Variants in CREBRF observed in about 807,000 individuals in gnomAD.
CREBRF encodes the protein UPF0474 protein C5orf41.
Under a neutral mutation model 66.1 loss-of-function variants are expected in CREBRF, and 5 were observed. That is an observed-to-expected ratio of 0.08 (90% CI 0.04 to 0.16). The LOEUF is 0.16. CREBRF is among the 10% of genes least tolerant of loss of function. CREBRF has a pLI of 1.00. For missense variants in CREBRF, 531 were observed against 744.9 expected, an observed-to-expected ratio of 0.71 and a Z score of 3.34; for synonymous variants, 229 against 264.4, an observed-to-expected ratio of 0.87 and a Z score of 1.30.
chr5:173,096,277 A>T (rs761100983), intron 4 of CREBRF, among the ~76,000 whole-genome samples: 3 of 152,136 alleles, frequency 2.0e-5, no homozygotes, highest in African/African-American at 4.8e-5. Flanking sequence ...CCTATGGTGA[A>T]GTCTTTAGGG....
intron 8 of CREBRF, 59 bp from the exon 9 acceptor site, chr5:173,133,571 C>A: frequency 1.1e-6 from 1 of 937,270 alleles, no homozygotes; most frequent in Non-Finnish European, 1.7e-6. Context: ...CAGCTCCTTC[C>A]CTTCCCTTCA....
intron 1 of CREBRF, among the ~76,000 whole-genome samples, chr5:173,071,928 G>C (rs1757610711): frequency 6.6e-6 from 1 of 151,772 alleles, no homozygotes. Context: ...GGTGGCATGT[G>C]CCTGTATTCC....
In CREBRF at chr5:173,137,178, A is replaced by G. The variant is rs1759605333; in HGVS notation, c.*3433A>G. On this transcript the variant is annotated 3_prime_UTR_variant, in exon 9 of 9. Transcript: ENST00000296953. ...TTTCCTATATCCTTCATGACAGATT[A>G]TGATGTGGCTTTATATTGTGCCTTA... The G allele has an allele frequency of 6.6e-6, 1 of 152,058 alleles. No individual in the cohort carries two copies. Among genetic ancestry groups the G allele is most frequent in the Non-Finnish European group, 1.5e-5 (1 of 67,926 alleles). The allele number at this position is 152,058 out of a possible 1,614,324, so 9.4% of individuals were successfully genotyped here.
At chr5:173,089,760 T>C (rs1004458516) in intron 3 of CREBRF, among the ~76,000 whole-genome samples, 8 of 152,200 alleles carry the variant, frequency 5.3e-5, no homozygotes, top group African/African-American at 1.9e-4. Flanking sequence ...CAAAAGATCT[T>C]ACCATTCTGT....
chr5:173,133,529 G>C, intron 8 of CREBRF, 101 bp from the exon 9 acceptor site: 1 of 592,758 alleles, frequency 1.7e-6, no homozygotes, highest in East Asian at 3.0e-5. Flanking sequence ...CCAGTATCAA[G>C]CTGAGGGCCA....
At chr5:173,078,119 C>T (rs79287557) in intron 1 of CREBRF, among the ~76,000 whole-genome samples, 19,982 of 152,166 alleles carry the variant, frequency 0.13, 2,221 homozygotes, top group African/African-American at 0.29. Context: ...AATTGGATTT[C>T]GCTTTTTGAA....
rs184344738 is a variant in CREBRF at position 173,129,865 on chromosome 5, C to T, written c.1805-3765C>T. 3.3e-5 allele frequency among the ~76,000 whole-genome samples: 5 copies of T among 152,076 alleles called. 1 individual carries two copies. Among genetic ancestry groups the T allele is most frequent in the Admixed American group, 3.3e-4 (5 of 15,282 alleles). ...TTTTTGAGACAGAGTCTCGCTCTGT[C>T]GCCCAGACTGGAGTGTAATGGAGTG... is the stretch of plus-strand genomic sequence containing the variant. On this transcript the variant is annotated intron_variant, in intron 8 of 8. Transcript: ENST00000296953.
chr5:173,087,645 A>G (rs1232990304), intron 3 of CREBRF, among the ~76,000 whole-genome samples: 1 of 150,642 alleles, frequency 6.6e-6, no homozygotes, highest in Non-Finnish European at 1.5e-5. Flanking sequence ...GTGGTGAGCC[A>G]AGATCGCCCC....
intron 4 of CREBRF, among the ~76,000 whole-genome samples, chr5:173,105,539 C>T (rs567964735): frequency 2.0e-5 from 3 of 151,970 alleles, no homozygotes; most frequent in South Asian, 2.1e-4. Flanking sequence ...GGTATGATCT[C>T]GTCTCACTGC....
chr5:173,120,718 G>A (rs1381220622), intron 7 of CREBRF, among the ~76,000 whole-genome samples: 2 of 93,946 alleles, frequency 2.1e-5, no homozygotes, highest in Non-Finnish European at 3.9e-5. Flanking sequence ...TTTTTGAGAT[G>A]GAGTCTTGCT....
chr5:173,107,466 T>G (rs1312164907), intron 4 of CREBRF, among the ~76,000 whole-genome samples: 3 of 152,214 alleles, frequency 2.0e-5, no homozygotes, highest in Non-Finnish European at 4.4e-5. Context: ...TTTCTGAAAC[T>G]TCCTATTAGG....
intron 1 of CREBRF, among the ~76,000 whole-genome samples, chr5:173,067,249 C>T (rs986006420): frequency 1.3e-5 from 2 of 152,156 alleles, no homozygotes; most frequent in East Asian, 3.9e-4. Flanking sequence ...TATTCATGTA[C>T]AAGTCTTTTA....
chr5:173,100,603 T>C (rs761913615), intron 4 of CREBRF, among the ~76,000 whole-genome samples: 6 of 152,048 alleles, frequency 3.9e-5, no homozygotes, highest in Non-Finnish European at 8.8e-5. Context: ...TTTGTATTTT[T>C]AGTAAAGACA....
At chr5:173,130,890 A>G (rs1399252174) in intron 8 of CREBRF, among the ~76,000 whole-genome samples, 3 of 152,094 alleles carry the variant, frequency 2.0e-5, no homozygotes, top group African/African-American at 7.2e-5. Flanking sequence ...CATTTTTAGT[A>G]GAGACAGGGT....
intron 2 of CREBRF, among the ~76,000 whole-genome samples, chr5:173,084,238 G>A (rs1348961978): frequency 6.6e-6 from 1 of 151,918 alleles, no homozygotes; most frequent in Non-Finnish European, 1.5e-5. Context: ...CTCCCCTTAA[G>A]GGCTATCTAC....
At position 173,138,809 on chromosome 5, in the gene CREBRF, C is replaced by T. The variant is rs1171628591; in HGVS notation, c.*5064C>T. 2 of 152,006 alleles carry T rather than the reference C, an allele frequency of 1.3e-5. No homozygotes were observed. The highest frequency in any genetic ancestry group is 4.8e-5 in the African/African-American group (2 of 41,376). 9.4% of individuals were successfully genotyped at this position (152,006 alleles called of 1,614,324 possible). ...TGTATTCCACTGCCTGCTTTTTTAC[C>T]TTCTTTCCCTAGGATTTGTCCTACA... On this transcript the variant is annotated 3_prime_UTR_variant, in exon 9 of 9. Coordinates refer to ENST00000296953, the MANE Select transcript of CREBRF (RefSeq NM_153607.3).
intron 7 of CREBRF, among the ~76,000 whole-genome samples, chr5:173,122,302 G>A (rs557951155): frequency 2.6e-5 from 4 of 152,022 alleles, no homozygotes; most frequent in South Asian, 4.1e-4. Context: ...GGGTTTCACC[G>A]TTTGGCCAGG....
chr5:173,099,127 T>G (rs1165398091), intron 4 of CREBRF, among the ~76,000 whole-genome samples: 1 of 152,190 alleles, frequency 6.6e-6, no homozygotes, highest in Non-Finnish European at 1.5e-5. Flanking sequence ...GGAATATCTC[T>G]TTTCATTTCT....
chr5:173,074,818 G>A (rs1341814070), intron 1 of CREBRF, among the ~76,000 whole-genome samples: 4 of 151,800 alleles, frequency 2.6e-5, no homozygotes, highest in Admixed American at 6.6e-5. Context: ...AGGGGGTTTC[G>A]CCATGTTGGC....
Sources: allele counts gnomAD v4.1 joint callset (sites outside exome capture counted in the v4.1 genomes callset), GRCh38; gene constraint gnomAD v4.1.1; transcripts MANE v1.5; gene names NCBI Gene and HGNC (gene_info 2026-07-23, HGNC 2026-07-21).